ALDH18A1: variants seen among roughly 807,000 people sequenced by gnomAD.
ALDH18A1 encodes delta-1-pyrroline-5-carboxylate synthase.
In ALDH18A1, 44 loss-of-function variants were observed where a neutral mutation model predicts 88.8. The observed-to-expected ratio is 0.50, with a 90% CI of 0.39 to 0.64. The LOEUF is 0.64. Among genes scored for constraint, ALDH18A1 ranks in the 30% least tolerant of loss-of-function variants. The pLI, the probability that ALDH18A1 is intolerant of heterozygous loss-of-function variation, is 0.00. For synonymous variants in ALDH18A1, 331 were observed against 372.1 expected (o/e 0.89, Z 1.27); for missense variants, 782 against 1,009.5 (o/e 0.77, Z 3.05).
At chr10:95,654,150 C>G (rs183569175) in intron 1 of ALDH18A1, among the ~76,000 whole-genome samples, 2 of 151,104 alleles carry the variant, frequency 1.3e-5, no homozygotes, top group Admixed American at 1.3e-4. Context: ...GGAGAACAAG[C>G]CATTCATTAT....
At chr10:95,646,254 C>T (rs1483433121) in intron 2 of ALDH18A1, among the ~76,000 whole-genome samples, 1 of 152,174 alleles carries the variant, frequency 6.6e-6, no homozygotes, top group Non-Finnish European at 1.5e-5. Flanking sequence ...CAGTGGCATG[C>T]ATGTCTGTCC....
At chr10:95,632,564 A>G (rs2097872278) in intron 7 of ALDH18A1, among the ~76,000 whole-genome samples, 1 of 152,098 alleles carries the variant, frequency 6.6e-6, no homozygotes, top group Non-Finnish European at 1.5e-5. Flanking sequence ...GGGACTCACT[A>G]TATTACCCAG....
At chr10:95,629,002 A>C (rs1484002362) in intron 7 of ALDH18A1, 2 of 198,488 alleles carry the variant, frequency 1.0e-5, no homozygotes, top group African/African-American at 4.7e-5. Context: ...TGAGTGAGTC[A>C]CTGTAGAGGT....
intron 12 of ALDH18A1, among the ~76,000 whole-genome samples, chr10:95,617,276 G>C (rs1174337047): frequency 1.3e-5 from 2 of 152,208 alleles, no homozygotes; most frequent in Non-Finnish European, 2.9e-5. Context: ...AGAGAACTGA[G>C]TTAAGTGGCC....
At chr10:95,648,928 T>C (rs1003596861) in intron 2 of ALDH18A1, among the ~76,000 whole-genome samples, 8 of 152,238 alleles carry the variant, frequency 5.3e-5, no homozygotes, top group Non-Finnish European at 7.3e-5. Flanking sequence ...GCAGAAGGGC[T>C]AGTTTTAAAA....
chr10:95,614,539 T>C (rs1220691150), intron 13 of ALDH18A1, among the ~76,000 whole-genome samples: 1 of 152,200 alleles, frequency 6.6e-6, no homozygotes, highest in Non-Finnish European at 1.5e-5. Context: ...TGCAGTACAC[T>C]ACTCCAGGCC....
At chr10:95,652,304 T>A (rs1431154816) in intron 2 of ALDH18A1, among the ~76,000 whole-genome samples, 1 of 152,238 alleles carries the variant, frequency 6.6e-6, no homozygotes, top group African/African-American at 2.4e-5. Flanking sequence ...TCAACGTCAA[T>A]ACCTTGGTTC....
chr10:95,656,195 C>CCGCCACCCA (rs1453344168), intron 1 of ALDH18A1, among the ~76,000 whole-genome samples: 2 of 152,320 alleles, frequency 1.3e-5, no homozygotes, highest in East Asian at 3.9e-4. Flanking sequence ...GCTGCCACCA[C>CCGCCACCCA]CGCCACCCAC....
Position 95,610,897 on chromosome 10 carries a change from G to A in ALDH18A1, c.2110+359C>T, listed in dbSNP as rs911742578. Among the ~76,000 whole-genome samples, 4 of 152,278 alleles carry A rather than the reference G, an allele frequency of 2.6e-5. No individual in the cohort carries two copies. The East Asian group carries it at 7.7e-4, about 29-fold the overall frequency. On this transcript the variant is annotated intron_variant, in intron 16 of 17. Coordinates refer to ENST00000371224, the MANE Select transcript of ALDH18A1 (RefSeq NM_002860.4). ...GAGTGTCCCTGCATACATATTTGTGGAATAAATGAATGAATGAATGAATGT... is the reference window on the plus strand; with the variant it reads ...GAGTGTCCCTGCATACATATTTGTGAAATAAATGAATGAATGAATGAATGT...
At chr10:95,614,937 T>C (rs2097841705) in intron 13 of ALDH18A1, among the ~76,000 whole-genome samples, 1 of 152,198 alleles carries the variant, frequency 6.6e-6, no homozygotes, top group African/African-American at 2.4e-5. Context: ...AGAAAACTAC[T>C]GCTAGATGCA....
chr10:95,654,228 G>A (rs534624620), intron 1 of ALDH18A1, among the ~76,000 whole-genome samples: 4 of 149,724 alleles, frequency 2.7e-5, no homozygotes, highest in African/African-American at 7.4e-5. Flanking sequence ...ACAATGGAGC[G>A]ATCTCGGCTC....
intron 10 of ALDH18A1, among the ~76,000 whole-genome samples, chr10:95,626,047 T>C (rs1304428916): frequency 6.6e-6 from 1 of 152,136 alleles, no homozygotes; most frequent in Non-Finnish European, 1.5e-5. Context: ...CAAATCAGTA[T>C]GCTGATTATT....
chr10:95,635,843 C>T (rs1409244212), intron 5 of ALDH18A1, among the ~76,000 whole-genome samples: 1 of 152,148 alleles, frequency 6.6e-6, no homozygotes, highest in Non-Finnish European at 1.5e-5. Context: ...AAAAACCAAA[C>T]CAAAGCAAAA....
chr10:95,621,682 C>T (rs1176909379), intron 11 of ALDH18A1, among the ~76,000 whole-genome samples: 3 of 152,070 alleles, frequency 2.0e-5, no homozygotes, highest in African/African-American at 7.2e-5. Context: ...AAGACAATGA[C>T]ATGCCACTTA....
chr10:95,647,535 T>C (rs2097903185), intron 2 of ALDH18A1, among the ~76,000 whole-genome samples: 3 of 152,264 alleles, frequency 2.0e-5, no homozygotes, highest in Non-Finnish European at 4.4e-5. Context: ...TCTTTTGTTA[T>C]AATGTTGGTG....
At chr10:95,607,097 C>T (rs1450467340) in intron 17 of ALDH18A1, among the ~76,000 whole-genome samples, 154 bp from the exon 18 acceptor site, 1 of 152,196 alleles carries the variant, frequency 6.6e-6, no homozygotes, top group Admixed American at 6.5e-5. Flanking sequence ...TCACCCTGTT[C>T]CCATAAACAT....
rs1194540213 is a variant in ALDH18A1, at chr10:95,611,375, A to G, written c.1991T>C (p.Leu664Pro). Residue 664 changes from leucine (L) to proline (P), a missense_variant, in exon 16 of 18, where the codon CTC becomes CCC. Coordinates refer to ENST00000371224, the MANE Select transcript of ALDH18A1 (RefSeq NM_002860.4). ...TTCCAGGTCCCCATACTCAGTTCGG[A>G]GTGACTTCACTTCGGAGGGGCTGAA... ...LTFSPSEVKS[L>P]RTEYGDLELC... is the part of the protein sequence containing the mutation. 2 of 1,614,194 alleles carry G rather than the reference A, an allele frequency of 1.2e-6. No homozygotes were observed. Among genetic ancestry groups the G allele is most frequent in the Non-Finnish European group, 1.7e-6 (2 of 1,180,028 alleles).
chr10:95,616,465 C>T lies in ALDH18A1; in HGVS notation c.1605+12G>A. 1.3e-6 allele frequency: 2 copies of T among 1,558,858 alleles called. No individual in the cohort carries two copies. Among genetic ancestry groups the T allele is most frequent in the Non-Finnish European group, 8.7e-7 (1 of 1,150,454 alleles). ...CCTCTGGGCCTGACTTGGTGCATTCCCAGGGACCTACCAGTTGCACGGCCT... is the reference window on the plus strand; with the variant it reads ...CCTCTGGGCCTGACTTGGTGCATTCTCAGGGACCTACCAGTTGCACGGCCT... On this transcript the variant is annotated intron_variant, in intron 13 of 17. Transcript: ENST00000371224.
chr10:95,613,976 G>A lies in ALDH18A1; in HGVS notation c.1791C>T (p.Val597=), dbSNP rs200630216. 14 of 1,614,178 alleles carry A rather than the reference G, an allele frequency of 8.7e-6. No individual in the cohort carries two copies. The highest frequency in any genetic ancestry group is 1.2e-5 in the Non-Finnish European group (14 of 1,180,038). ...YVDSEASVDK[V]TRLVRDSKCE... ...CCCCATCCAGCTCACCTAGCCTGGT[G>A]ACCTTATCAACACTGGCCTCGGAAT... The change falls in exon 14 of 18, where the codon GTC becomes GTT. Residue 597 remains valine, a synonymous_variant. Coordinates refer to ENST00000371224, the MANE Select transcript of ALDH18A1 (RefSeq NM_002860.4).
Sources: allele counts gnomAD v4.1 joint callset (sites outside exome capture counted in the v4.1 genomes callset), GRCh38; gene constraint gnomAD v4.1.1; transcripts MANE v1.5; gene names NCBI Gene and HGNC (gene_info 2026-07-23, HGNC 2026-07-21).